The following RGS9 variants were observed in gnomAD, a reference collection of about 807,000 sequenced individuals.
RGS9 encodes regulator of G protein signaling 9.
In RGS9, 78 loss-of-function variants were observed where a neutral mutation model predicts 102.0. The observed-to-expected ratio is 0.76, with a 90% CI of 0.64 to 0.92. The LOEUF (loss-of-function observed/expected upper bound fraction) is 0.92. RGS9 is among the 40% of genes least tolerant of loss of function. The pLI is 0.00. For synonymous variants in RGS9, 353 were observed against 318.6 expected (o/e 1.11, Z -1.15); for missense variants, 833 against 866.1 (o/e 0.96, Z 0.48).
At chr17:65,159,544 G>A (rs1910899324) in intron 3 of RGS9, among the ~76,000 whole-genome samples, 1 of 152,124 alleles carries the variant, frequency 6.6e-6, no homozygotes, top group Non-Finnish European at 1.5e-5. Flanking sequence ...ATGGGGAGAT[G>A]GGTTGGGTCC....
intron 1 of RGS9, among the ~76,000 whole-genome samples, chr17:65,150,115 T>A (rs1910519030): frequency 6.6e-6 from 1 of 152,132 alleles, no homozygotes; most frequent in Non-Finnish European, 1.5e-5. Context: ...ACAGACTTGG[T>A]GTGAGAGCAG....
intron 1 of RGS9, among the ~76,000 whole-genome samples, chr17:65,153,037 T>C (rs111617381): frequency 3.2e-3 from 484 of 152,342 alleles, no homozygotes; most frequent in African/African-American, 0.011. Flanking sequence ...CACTGGCTTT[T>C]CCAGCTGCAA....
chr17:65,160,340 G>T lies in RGS9; in HGVS notation c.312+1G>T. ...TGATGGCAGCCTCTACAGATTTCAG[G>T]TGAGTCTTGGCCTTGACCCTGGCTG... On this transcript the variant is annotated splice_donor_variant, in intron 4 of 18. Transcript: ENST00000262406. LOFTEE classifies it high-confidence loss of function. The T allele has an allele frequency of 6.2e-7, 1 of 1,611,652 alleles. No individual in the cohort carries two copies. Among genetic ancestry groups the T allele is most frequent in the East Asian group, 2.2e-5 (1 of 44,872 alleles).
At position 65,201,118 on chromosome 17, in the gene RGS9, CAG is replaced by C. The variant is rs1203613944; in HGVS notation, c.977-873_977-872del. Among the ~76,000 whole-genome samples the C allele has an allele frequency of 5.8e-3, 796 of 136,372 alleles. 11 individuals carry two copies. The highest frequency in any genetic ancestry group is 0.022 in the African/African-American group (769 of 34,670). The allele number at this position is 136,372 out of a possible 152,430, so 89.5% of individuals were successfully genotyped here. Reference sequence around the variant, plus strand: ...CACGATTTACACACACACACACACACAGACACACACACACTTGCTCTCTCTTG... The same window carrying C: ...CACGATTTACACACACACACACACACACACACACACACTTGCTCTCTCTTG... On this transcript the variant is annotated intron_variant, in intron 13 of 18. Transcript: ENST00000262406.
chr17:65,171,561 A>G (rs895426624), intron 8 of RGS9, among the ~76,000 whole-genome samples: 13 of 152,218 alleles, frequency 8.5e-5, no homozygotes, highest in African/African-American at 7.2e-5. Context: ...TCCCAGAGAT[A>G]AGACCTAATT....
chr17:65,174,285 C>A (rs553219351), intron 8 of RGS9, among the ~76,000 whole-genome samples: 4 of 152,156 alleles, frequency 2.6e-5, no homozygotes, highest in Non-Finnish European at 4.4e-5. Context: ...ATGACCACAC[C>A]GAAGTCACCG....
intron 8 of RGS9, among the ~76,000 whole-genome samples, chr17:65,176,751 CCACCCAT>C (rs771850836): frequency 0.029 from 4,167 of 144,944 alleles, 98 homozygotes; most frequent in African/African-American, 0.071. Context: ...ATCCATCCAT[CCACCCAT>C]CCACCCATCC....
At chr17:65,155,851 T>C (rs1910747619) in intron 2 of RGS9, among the ~76,000 whole-genome samples, 1 of 152,194 alleles carries the variant, frequency 6.6e-6, no homozygotes, top group African/African-American at 2.4e-5. Flanking sequence ...ACATTGTCTG[T>C]TAACACTCAC....
At chr17:65,195,793 G>A (rs1209709206) in intron 12 of RGS9, among the ~76,000 whole-genome samples, 1 of 152,166 alleles carries the variant, frequency 6.6e-6, no homozygotes. Context: ...ACCACTATCA[G>A]CGTTTTTTGA....
chr17:65,209,358 G>C (rs542088441), intron 16 of RGS9, among the ~76,000 whole-genome samples: 39 of 152,272 alleles, frequency 2.6e-4, no homozygotes, highest in African/African-American at 9.4e-4. Flanking sequence ...TCCTGGTAGG[G>C]GAGCCCTTCT....
chr17:65,196,918 G>T (rs545380921), intron 12 of RGS9, among the ~76,000 whole-genome samples: 1 of 152,328 alleles, frequency 6.6e-6, no homozygotes, highest in Admixed American at 6.5e-5. Flanking sequence ...CTCTGGGATG[G>T]TCATGTCTTT....
At chr17:65,212,771 A>T (rs1363551965) in intron 17 of RGS9, among the ~76,000 whole-genome samples, 2 of 152,168 alleles carry the variant, frequency 1.3e-5, no homozygotes, top group African/African-American at 4.8e-5. Flanking sequence ...GCATGGAGGG[A>T]TATGCTTTGC....
intron 1 of RGS9, among the ~76,000 whole-genome samples, chr17:65,142,783 A>C (rs998527470): frequency 2.0e-5 from 3 of 152,012 alleles, no homozygotes; most frequent in African/African-American, 7.3e-5. Flanking sequence ...GGGTTTCACC[A>C]TGTTGGTCAG....
intron 9 of RGS9, among the ~76,000 whole-genome samples, chr17:65,178,369 G>A (rs1220466291): frequency 6.6e-6 from 1 of 152,034 alleles, no homozygotes; most frequent in East Asian, 1.9e-4. Flanking sequence ...CATCTTTCAT[G>A]ATGGATAGCC....
Position 65,201,979 on chromosome 17 carries a change from T to G in RGS9, c.977-14T>G. The G allele has an allele frequency of 6.3e-7, 1 of 1,597,242 alleles. No homozygotes were observed. The highest frequency in any genetic ancestry group is 8.6e-7 in the Non-Finnish European group (1 of 1,164,718). On this transcript the variant is annotated splice_polypyrimidine_tract_variant and intron_variant, in intron 13 of 18. Transcript: ENST00000262406. ...CTGCCCGGCCCTCATCCACGTGGAC[T>G]TCTCACCATGCAGGAGAGAATCTGG...
At chr17:65,152,435 A>G (rs1910613919) in intron 1 of RGS9, among the ~76,000 whole-genome samples, 1 of 152,260 alleles carries the variant, frequency 6.6e-6, no homozygotes, top group African/African-American at 2.4e-5. Flanking sequence ...ACAGCCACGC[A>G]GAAGAGTGAC....
intron 1 of RGS9, among the ~76,000 whole-genome samples, chr17:65,146,507 G>C (rs552318823): frequency 4.0e-5 from 6 of 150,834 alleles, no homozygotes; most frequent in East Asian, 3.9e-4. Context: ...AGAATCGCTT[G>C]AACCTGGGAG....
intron 17 of RGS9, among the ~76,000 whole-genome samples, chr17:65,220,883 C>T (rs1241620888): frequency 6.6e-6 from 1 of 152,172 alleles, no homozygotes; most frequent in Non-Finnish European, 1.5e-5. Flanking sequence ...CAGCATGAAA[C>T]AAAACAATGC....
At chr17:65,159,100 T>A (rs777621865) in intron 3 of RGS9, among the ~76,000 whole-genome samples, 1 of 152,098 alleles carries the variant, frequency 6.6e-6, no homozygotes, top group Non-Finnish European at 1.5e-5. Flanking sequence ...CTTGTGAAAT[T>A]CCTTCTCCTG....
Sources: gnomAD v4.1 joint callset for allele counts (sites outside exome capture counted in the v4.1 genomes callset) on GRCh38, gnomAD v4.1.1 for gene constraint, MANE v1.5 for transcripts, NCBI Gene and HGNC (gene_info 2026-07-23, HGNC 2026-07-21) for gene names.